Variants in EYA2 observed in about 807,000 individuals in gnomAD.
EYA2 encodes the protein EYA transcriptional coactivator and phosphatase 2, also known as protein phosphatase EYA2.
EYA2 carries 31 observed loss-of-function variants against 69.2 expected under a neutral mutation model. The observed-to-expected ratio is 0.45, with a 90% CI of 0.34 to 0.60. EYA2 has a LOEUF of 0.60. EYA2 is among the 20% of genes least tolerant of loss of function. The pLI is 0.02. For synonymous variants in EYA2, 257 were observed against 279.4 expected, an observed-to-expected ratio of 0.92 and a Z score of 0.80; for missense variants, 622 against 701.2, an observed-to-expected ratio of 0.89 and a Z score of 1.28.
At chr20:46,978,457 A>G in intron 1 of EYA2, 1 of 422,516 alleles carries the variant, frequency 2.4e-6, no homozygotes, top group Non-Finnish European at 4.9e-6. Flanking sequence ...CTGGAGTTCC[A>G]GGCAGAGGGA....
At chr20:46,986,773 A>G (rs1378247646) in intron 1 of EYA2, among the ~76,000 whole-genome samples, 2 of 152,124 alleles carry the variant, frequency 1.3e-5, no homozygotes, top group Admixed American at 6.6e-5. Context: ...TCTTCTGTGA[A>G]CTAATAGAAC....
intron 10 of EYA2, among the ~76,000 whole-genome samples, chr20:47,156,121 CACACACATATATATATATATATATATAT>C (rs1568814111): frequency 1.0e-3 from 25 of 24,362 alleles, no homozygotes; most frequent in African/African-American, 8.1e-3. Flanking sequence ...CACACACACA[CACACACATATATATATATATATATATAT>C]ATATATATAT....
At position 47,179,878 on chromosome 20, in the gene EYA2, C is replaced by A. The variant is rs1197135796; in HGVS notation, c.1279C>A (p.His427Asn). 1 of 1,614,090 alleles carries A rather than the reference C, an allele frequency of 6.2e-7. No homozygotes were observed. The highest frequency in any genetic ancestry group is 8.5e-7 in the Non-Finnish European group (1 of 1,180,006). ...AGCTCTCACAGACCTCTGGCTGACCCACTCCCTGAAGGCACTAAACCTCAT... is the reference window on the plus strand; with the variant it reads ...AGCTCTCACAGACCTCTGGCTGACCAACTCCCTGAAGGCACTAAACCTCAT... Reference protein sequence around the residue: ...LEALTDLWLTHSLKALNLINS... With the variant: ...LEALTDLWLTNSLKALNLINS... Residue 427 changes from histidine (H) to asparagine (N), a missense_variant, in exon 13 of 16, where the codon CAC becomes AAC. Transcript: ENST00000327619.
chr20:46,954,793 T>C (rs1322977687), intron 1 of EYA2, among the ~76,000 whole-genome samples: 1 of 152,146 alleles, frequency 6.6e-6, no homozygotes, highest in East Asian at 1.9e-4. Context: ...CCCAGGGAAA[T>C]AGGTTCTGCT....
intron 2 of EYA2, among the ~76,000 whole-genome samples, chr20:47,000,882 G>A (rs2146344544): frequency 6.6e-6 from 1 of 152,276 alleles, no homozygotes; most frequent in Non-Finnish European, 1.5e-5. Flanking sequence ...TGGACTGGAA[G>A]TGAGGAGGCA....
rs3787237 is a variant in EYA2 at position 47,174,332 on chromosome 20, C to G, written c.1198+1465C>G. 5.4e-3 allele frequency among the ~76,000 whole-genome samples: 825 copies of G among 152,350 alleles called. 27 individuals carry two copies. In the East Asian group the frequency reaches 0.079, roughly 15 times the overall value. ...CCTTAGGCAACATACATACGGTCAT[C>G]TTAATGAGCCTTAGTCTTTAAATCT... On this transcript the variant is annotated intron_variant, in intron 12 of 15. Transcript: ENST00000327619.
chr20:47,002,319 G>A (rs1296258347), intron 3 of EYA2, among the ~76,000 whole-genome samples: 3 of 152,012 alleles, frequency 2.0e-5, no homozygotes, highest in Non-Finnish European at 2.9e-5. Flanking sequence ...TATTAAATTC[G>A]ACATGCATTA....
chr20:47,142,799 G>A (rs932192840), intron 9 of EYA2, among the ~76,000 whole-genome samples: 1 of 152,222 alleles, frequency 6.6e-6, no homozygotes, highest in Non-Finnish European at 1.5e-5. Context: ...GAACACTGTT[G>A]CAATCCCAGG....
chr20:46,898,637 T>C (rs1186032808), intron 1 of EYA2, among the ~76,000 whole-genome samples: 3 of 152,210 alleles, frequency 2.0e-5, no homozygotes, highest in Non-Finnish European at 4.4e-5. Flanking sequence ...AGATCGTAAC[T>C]GGCCTAATGG....
chr20:47,120,460 C>A (rs191380120), intron 9 of EYA2, among the ~76,000 whole-genome samples: 2 of 152,182 alleles, frequency 1.3e-5, no homozygotes, highest in Non-Finnish European at 2.9e-5. Flanking sequence ...TGGGTAGTCA[C>A]GTTTTGTTAG....
chr20:47,165,824 G>C (rs2034173766), intron 10 of EYA2, among the ~76,000 whole-genome samples: 1 of 152,014 alleles, frequency 6.6e-6, no homozygotes, highest in Non-Finnish European at 1.5e-5. Context: ...CTCCCCACAG[G>C]GCAACCCAGG....
chr20:47,163,523 A>T (rs1034394070), intron 10 of EYA2, among the ~76,000 whole-genome samples: 3 of 149,770 alleles, frequency 2.0e-5, no homozygotes, highest in Non-Finnish European at 4.4e-5. Context: ...AGATGGAGAA[A>T]CCCCGTCTCT....
intron 5 of EYA2, among the ~76,000 whole-genome samples, chr20:47,028,709 C>T (rs1984234551): frequency 6.6e-6 from 1 of 152,198 alleles, no homozygotes; most frequent in Non-Finnish European, 1.5e-5. Context: ...AGCTCTAGGA[C>T]ACAGGGCCAA....
At chr20:46,979,839 T>C (rs1164966952) in intron 1 of EYA2, 1 of 152,168 alleles carries the variant, frequency 6.6e-6, no homozygotes, top group Non-Finnish European at 1.5e-5. Flanking sequence ...TCAGCTGCCC[T>C]TTGTTGAATA....
chr20:47,148,766 G>A (rs1011869561), intron 10 of EYA2, among the ~76,000 whole-genome samples: 1 of 152,202 alleles, frequency 6.6e-6, no homozygotes, highest in African/African-American at 2.4e-5. Context: ...TAAAATTCAA[G>A]CACCTGCTCA....
At chr20:47,047,953 C>G (rs143227861) in intron 5 of EYA2, among the ~76,000 whole-genome samples, 93 of 152,252 alleles carry the variant, frequency 6.1e-4, no homozygotes, top group African/African-American at 2.0e-3. Flanking sequence ...GCTAGGATTA[C>G]AGGCATGAGC....
chr20:47,041,543 G>A (rs913506972), intron 5 of EYA2, among the ~76,000 whole-genome samples: 17 of 152,168 alleles, frequency 1.1e-4, no homozygotes, highest in Non-Finnish European at 2.4e-4. Flanking sequence ...AACTGCCAAC[G>A]GTCTGTTCTG....
intron 7 of EYA2, among the ~76,000 whole-genome samples, chr20:47,080,827 A>G (rs1475142938): frequency 6.6e-6 from 1 of 152,174 alleles, no homozygotes; most frequent in Non-Finnish European, 1.5e-5. Context: ...AAACCATCAG[A>G]TCTTGCGAGA....
intron 1 of EYA2, among the ~76,000 whole-genome samples, chr20:46,908,512 C>G (rs1163119846): frequency 1.3e-5 from 2 of 152,168 alleles, no homozygotes; most frequent in Non-Finnish European, 2.9e-5. Flanking sequence ...TCAGTCATGT[C>G]CAGAGTCAAA....
Sources: allele counts gnomAD v4.1 joint callset (sites outside exome capture counted in the v4.1 genomes callset), GRCh38; gene constraint gnomAD v4.1.1; transcripts MANE v1.5; gene names NCBI Gene and HGNC (gene_info 2026-07-23, HGNC 2026-07-21).